Variants in TNRC6A observed in about 807,000 individuals in gnomAD.
TNRC6A encodes trinucleotide repeat containing adaptor 6A, also known as trinucleotide repeat-containing gene 6A protein.
In TNRC6A, 44 loss-of-function variants were observed where a neutral mutation model predicts 221.2. The ratio of observed to expected loss-of-function variants is 0.20; its 90% confidence interval spans 0.16 to 0.26. The LOEUF (loss-of-function observed/expected upper bound fraction) is 0.26, where lower values mean the gene tolerates loss of function less well. Ranked by LOEUF, TNRC6A falls within the 10% of genes least tolerant of loss-of-function variation. The pLI is 1.00. For missense variants in TNRC6A, 2,199 were observed against 2,404.4 expected (o/e 0.91, Z 1.79); for synonymous variants, 847 against 838.5 (o/e 1.01, Z -0.18).
intron 3 of TNRC6A, among the ~76,000 whole-genome samples, chr16:24,751,081 A>G (rs2057126353): frequency 6.6e-6 from 1 of 152,194 alleles, no homozygotes; most frequent in Admixed American, 6.5e-5. Context: ...TAGGTGTTTC[A>G]TAATATATCA....
At chr16:24,651,713 G>T (rs541729903) in intron 2 of TNRC6A, among the ~76,000 whole-genome samples, 29 of 149,932 alleles carry the variant, frequency 1.9e-4, no homozygotes, top group African/African-American at 6.1e-4. Context: ...CTTAACAAAA[G>T]AAAAAGAAAT....
intron 2 of TNRC6A, among the ~76,000 whole-genome samples, chr16:24,646,211 G>A (rs1902281316): frequency 6.6e-6 from 1 of 152,146 alleles, no homozygotes; most frequent in Admixed American, 6.6e-5. Context: ...GAAAACTTAA[G>A]TCACACTGCC....
chr16:24,777,090 G>A lies in TNRC6A; in HGVS notation c.321G>A (p.Gln107=). 1 of 1,609,052 alleles carries A rather than the reference G, an allele frequency of 6.2e-7. No individual in the cohort carries two copies. The highest frequency in any genetic ancestry group is 8.5e-7 in the Non-Finnish European group (1 of 1,177,480). The change falls in exon 5 of 25, where the codon CAG becomes CAA. Residue 107 remains glutamine (Q), a synonymous_variant. Transcript: ENST00000395799. ...QQQQQQQPQQ[Q]QPQQQPQPQP... is the part of the protein sequence containing the mutation. ...AGCAACAGCAGCAGCCGCAGCAGCA[G>A]CAGCCACAGCAGCAGCCACAGCCGC...
At chr16:24,705,150 T>G (rs1050685366) in intron 2 of TNRC6A, among the ~76,000 whole-genome samples, 1 of 152,094 alleles carries the variant, frequency 6.6e-6, no homozygotes, top group Admixed American at 6.6e-5. Context: ...CAACAACCCT[T>G]TGAGCTAGAT....
intron 1 of TNRC6A, among the ~76,000 whole-genome samples, chr16:24,616,770 T>A (rs1040182392): frequency 3.3e-5 from 5 of 152,006 alleles, no homozygotes; most frequent in Admixed American, 6.6e-5. Context: ...CCGTCTCTAC[T>A]AAAAATGCAA....
chr16:24,762,401 A>G (rs1403135202), intron 4 of TNRC6A, among the ~76,000 whole-genome samples: 2 of 152,246 alleles, frequency 1.3e-5, no homozygotes, highest in Non-Finnish European at 2.9e-5. Context: ...TCTATGTGCC[A>G]GGCACTGTGC....
In TNRC6A at chr16:24,761,810, C is replaced by T. The variant is rs75585574; in HGVS notation, c.163+3450C>T. On this transcript the variant is annotated intron_variant, in intron 4 of 24. Coordinates refer to ENST00000395799, the MANE Select transcript of TNRC6A (RefSeq NM_014494.4). Reference sequence around the variant, plus strand: ...GCTCCTGAGTAGTTGGGACTGTAGGCGTGAGCCACCGCAGCTGGCTGACAT... The same window carrying T: ...GCTCCTGAGTAGTTGGGACTGTAGGTGTGAGCCACCGCAGCTGGCTGACAT... Among the ~76,000 whole-genome samples, 1,214 of 152,274 alleles carry T rather than the reference C, an allele frequency of 8.0e-3. 9 individuals are homozygous for T. Among genetic ancestry groups the T allele is most frequent in the Non-Finnish European group, 0.01 (702 of 68,038 alleles).
Position 24,759,622 on chromosome 16 carries a change from C to T in TNRC6A, c.163+1262C>T, listed in dbSNP as rs532165219. 9.2e-5 allele frequency among the ~76,000 whole-genome samples: 14 copies of T among 152,178 alleles called. No individual in the cohort carries two copies. In the East Asian group the frequency reaches 1.2e-3, roughly 13 times the overall value. ...GCCACAGGGCTTCATGCTGGTTAAGCCAGCAAAGGTGTTTGGATTTGGAAT... is the reference window on the plus strand; with the variant it reads ...GCCACAGGGCTTCATGCTGGTTAAGTCAGCAAAGGTGTTTGGATTTGGAAT... On this transcript the variant is annotated intron_variant, in intron 4 of 24. Coordinates refer to ENST00000395799, the MANE Select transcript of TNRC6A (RefSeq NM_014494.4).
intron 2 of TNRC6A, among the ~76,000 whole-genome samples, chr16:24,649,572 G>T (rs543795996): frequency 6.6e-6 from 1 of 152,038 alleles, no homozygotes; most frequent in Non-Finnish European, 1.5e-5. Context: ...GCCTCTCAAA[G>T]TGCTGGGATT....
chr16:24,810,865 A>G (rs2152033765), intron 18 of TNRC6A, among the ~76,000 whole-genome samples: 1 of 152,330 alleles, frequency 6.6e-6, no homozygotes, highest in South Asian at 2.1e-4. Context: ...GTACACTGCA[A>G]GAGAGTTTCA....
At chr16:24,788,094 AAC>A (rs958969045) in intron 5 of TNRC6A, among the ~76,000 whole-genome samples, 11 of 152,246 alleles carry the variant, frequency 7.2e-5, no homozygotes, top group Non-Finnish European at 1.3e-4. Context: ...GAATCTGGGG[AAC>A]TATTCAGAAG....
intron 2 of TNRC6A, chr16:24,665,011 A>G (rs1057255324): frequency 6.6e-6 from 3 of 456,312 alleles, no homozygotes; most frequent in Non-Finnish European, 8.8e-6. Context: ...CAGGATTTGA[A>G]GTGGAGAGGC....
intron 2 of TNRC6A, among the ~76,000 whole-genome samples, chr16:24,657,875 G>T (rs2054951452): frequency 6.6e-6 from 1 of 151,696 alleles, no homozygotes; most frequent in Non-Finnish European, 1.5e-5. Flanking sequence ...GGTGAATGTT[G>T]CTTACTAGTA....
chr16:24,792,045 G>A (rs958272971), intron 6 of TNRC6A, among the ~76,000 whole-genome samples: 3 of 152,288 alleles, frequency 2.0e-5, no homozygotes, highest in African/African-American at 7.2e-5. Flanking sequence ...GCAAGAGAAG[G>A]CGAATTGGAC....
chr16:24,786,789 A>G (rs1345874073), intron 5 of TNRC6A, among the ~76,000 whole-genome samples: 1 of 151,966 alleles, frequency 6.6e-6, no homozygotes, highest in African/African-American at 2.4e-5. Context: ...GGTTTAAGCA[A>G]TTCTGCCTCA....
At chr16:24,634,027 C>T (rs1160250918) in intron 1 of TNRC6A, among the ~76,000 whole-genome samples, 1 of 152,110 alleles carries the variant, frequency 6.6e-6, no homozygotes, top group Non-Finnish European at 1.5e-5. Context: ...AGTGATCCTC[C>T]CGCTTCAGCC....
intron 1 of TNRC6A, among the ~76,000 whole-genome samples, chr16:24,615,396 G>C (rs999246788): frequency 6.6e-6 from 1 of 152,112 alleles, no homozygotes; most frequent in Non-Finnish European, 1.5e-5. Context: ...GCTCAAAGAG[G>C]TTTAGACTTC....
At chr16:24,730,476 T>A (rs1433034411) in intron 2 of TNRC6A, among the ~76,000 whole-genome samples, 176 bp downstream of exon 2, 2 of 150,810 alleles carry the variant, frequency 1.3e-5, no homozygotes, top group African/African-American at 4.9e-5. Flanking sequence ...GATGCGTAAT[T>A]ACGCGTGTGT....
chr16:24,666,637 G>C (rs62027068), intron 2 of TNRC6A, among the ~76,000 whole-genome samples: 1 of 25,260 alleles, frequency 4.0e-5, no homozygotes, highest in Non-Finnish European at 6.2e-5. Flanking sequence ...CCCTGTCTTA[G>C]AGAAAAAAAA....
Sources: gnomAD v4.1 joint callset for allele counts (sites outside exome capture counted in the v4.1 genomes callset) on GRCh38, gnomAD v4.1.1 for gene constraint, MANE v1.5 for transcripts, NCBI Gene and HGNC (gene_info 2026-07-23, HGNC 2026-07-21) for gene names.